The following SH3GL3 variants were observed in gnomAD, a reference collection of about 807,000 sequenced individuals.
SH3GL3 encodes endophilin-A3.
Under a neutral mutation model 47.7 loss-of-function variants are expected in SH3GL3, and 33 were observed. That is an observed-to-expected ratio of 0.69 (90% CI 0.52 to 0.92). The LOEUF is 0.92. SH3GL3 is among the 40% of genes least tolerant of loss of function. The probability of loss-of-function intolerance (pLI) is 0.00; values close to 1 mark genes in which losing one functional copy is unlikely to be tolerated. For missense variants in SH3GL3, 363 were observed against 417.8 expected, an observed-to-expected ratio of 0.87 and a Z score of 1.14; for synonymous variants, 155 against 148.8, an observed-to-expected ratio of 1.04 and a Z score of -0.30.
rs1307245758 is a variant in SH3GL3, at chr15:83,498,954, A to G, written c.45+51376A>G. On this transcript the variant is annotated intron_variant, in intron 1 of 8. Coordinates refer to ENST00000427482, the MANE Select transcript of SH3GL3 (RefSeq NM_003027.5). ...AGGTCCATGTTCTTCCTTCTGCTGAAATAAGCTTCTCCTCCACCTCCTTCT... is the reference window on the plus strand; with the variant it reads ...AGGTCCATGTTCTTCCTTCTGCTGAGATAAGCTTCTCCTCCACCTCCTTCT... Among the ~76,000 whole-genome samples the G allele has an allele frequency of 2.0e-5, 3 of 152,156 alleles. No individual in the cohort carries two copies. The South Asian group carries it at 6.2e-4, about 31-fold the overall frequency.
intron 1 of SH3GL3, among the ~76,000 whole-genome samples, chr15:83,481,274 C>CAAA (rs5814148): frequency 6.9e-5 from 8 of 116,176 alleles, no homozygotes; most frequent in Non-Finnish European, 9.1e-5. Flanking sequence ...CATTCTGTCT[C>CAAA]AAAAAAAAAA....
At chr15:83,615,638 T>C (rs2060792867) in intron 8 of SH3GL3, among the ~76,000 whole-genome samples, 1 of 152,126 alleles carries the variant, frequency 6.6e-6, no homozygotes, top group Non-Finnish European at 1.5e-5. Flanking sequence ...AAAGCCACAG[T>C]ATTTAAAATG....
chr15:83,622,104 T>G (rs1567044896), downstream of SH3GL3, among the ~76,000 whole-genome samples: 1 of 152,238 alleles, frequency 6.6e-6, no homozygotes, highest in African/African-American at 2.4e-5. Context: ...CCAAACATTT[T>G]ACCTGAATAA....
intron 1 of SH3GL3, among the ~76,000 whole-genome samples, chr15:83,482,700 C>G (rs1388033766): frequency 6.6e-6 from 1 of 152,002 alleles, no homozygotes; most frequent in Non-Finnish European, 1.5e-5. Flanking sequence ...TCATCATGGC[C>G]AGGGTGGTCT....
intron 1 of SH3GL3, among the ~76,000 whole-genome samples, chr15:83,552,736 A>T (rs74024512): frequency 1.0e-3 from 158 of 152,278 alleles, no homozygotes; most frequent in African/African-American, 3.8e-3. Flanking sequence ...GGTCATTCAG[A>T]TAATCAATAT....
At chr15:83,500,599 G>A (rs1368940255) in intron 1 of SH3GL3, among the ~76,000 whole-genome samples, 5 of 152,230 alleles carry the variant, frequency 3.3e-5, no homozygotes, top group Non-Finnish European at 7.3e-5. Context: ...GGTGAAACCC[G>A]GAAGTGTTGG....
At chr15:83,526,539 T>G (rs2151665435) in intron 1 of SH3GL3, among the ~76,000 whole-genome samples, 1 of 152,246 alleles carries the variant, frequency 6.6e-6, no homozygotes, top group Admixed American at 6.5e-5. Context: ...CTGGAGGCCA[T>G]TATCGTTAAC....
intron 2 of SH3GL3, among the ~76,000 whole-genome samples, chr15:83,562,178 G>A (rs2045323565): frequency 6.6e-6 from 1 of 151,526 alleles, no homozygotes; most frequent in African/African-American, 2.4e-5. Flanking sequence ...TGCTCATCTT[G>A]ACTCCACATT....
At chr15:83,485,573 T>C (rs2041557943) in intron 1 of SH3GL3, among the ~76,000 whole-genome samples, 2 of 152,214 alleles carry the variant, frequency 1.3e-5, no homozygotes, top group Admixed American at 1.3e-4. Context: ...AGCATCCACC[T>C]TCCAGGCTCA....
chr15:83,555,033 T>G (rs1044507138), intron 1 of SH3GL3, among the ~76,000 whole-genome samples: 1 of 152,218 alleles, frequency 6.6e-6, no homozygotes, highest in Non-Finnish European at 1.5e-5. Context: ...ATCCTTCATA[T>G]CTATTAACTG....
downstream of SH3GL3, among the ~76,000 whole-genome samples, chr15:83,619,176 G>A (rs2060900086): frequency 6.6e-6 from 1 of 152,172 alleles, no homozygotes; most frequent in South Asian, 2.1e-4. Context: ...ATGTGAAGGG[G>A]CAGGTATTAT....
intron 1 of SH3GL3, among the ~76,000 whole-genome samples, chr15:83,512,191 A>C (rs766102203): frequency 6.7e-6 from 1 of 148,544 alleles, no homozygotes; most frequent in African/African-American, 2.5e-5. Flanking sequence ...TTCTTCTGGA[A>C]CTCTTATTGC....
intron 2 of SH3GL3, among the ~76,000 whole-genome samples, chr15:83,560,307 A>G (rs1048740437): frequency 6.6e-6 from 1 of 152,220 alleles, no homozygotes; most frequent in African/African-American, 2.4e-5. Flanking sequence ...CTCATCTTCC[A>G]GGGAGTTCTC....
At chr15:83,592,333 C>T (rs1182271644) in intron 8 of SH3GL3, among the ~76,000 whole-genome samples, 1 of 152,160 alleles carries the variant, frequency 6.6e-6, no homozygotes, top group Non-Finnish European at 1.5e-5. Flanking sequence ...ATGTGGGACT[C>T]TTAAAATGCA....
chr15:83,608,785 G>A (rs1308474572), intron 8 of SH3GL3, among the ~76,000 whole-genome samples: 1 of 142,934 alleles, frequency 7.0e-6, no homozygotes, highest in Non-Finnish European at 1.5e-5. Flanking sequence ...GAACTGTCTA[G>A]TCTGATGGTG....
chr15:83,518,527 T>A (rs1036405386), intron 1 of SH3GL3, among the ~76,000 whole-genome samples: 4 of 152,250 alleles, frequency 2.6e-5, no homozygotes, highest in Non-Finnish European at 4.4e-5. Flanking sequence ...TTTGGTTGCT[T>A]GTATGTCTTC....
At chr15:83,567,175 A>G (rs1415467465) in intron 3 of SH3GL3, among the ~76,000 whole-genome samples, 2 of 152,074 alleles carry the variant, frequency 1.3e-5, no homozygotes, top group East Asian at 3.9e-4. Context: ...TCCTGTATTA[A>G]TAGCATTTTA....
chr15:83,490,265 GTTTT>G (rs1196742768), intron 1 of SH3GL3, among the ~76,000 whole-genome samples: 3 of 133,078 alleles, frequency 2.3e-5, no homozygotes, highest in Non-Finnish European at 4.8e-5. Context: ...GTGATTTTGC[GTTTT>G]TTTTTTTTTT....
At chr15:83,557,449 C>T (rs954254344) in intron 1 of SH3GL3, among the ~76,000 whole-genome samples, 17 of 152,218 alleles carry the variant, frequency 1.1e-4, no homozygotes, top group Admixed American at 1.1e-3. Context: ...AGTAAGGATT[C>T]TTGTTCAGTG....
Sources: gnomAD v4.1 joint callset for allele counts (sites outside exome capture counted in the v4.1 genomes callset) on GRCh38, gnomAD v4.1.1 for gene constraint, MANE v1.5 for transcripts, NCBI Gene and HGNC (gene_info 2026-07-23, HGNC 2026-07-21) for gene names.